Variants in C16orf95 observed in about 807,000 individuals in gnomAD.
The protein encoded by C16orf95 is uncharacterized protein C16orf95.
Under a neutral mutation model 32.1 loss-of-function variants are expected in C16orf95, and 41 were observed. The observed-to-expected ratio is 1.28, with a 90% CI of 1.00 to 1.66. The LOEUF (loss-of-function observed/expected upper bound fraction) is 1.66, where lower values mean the gene tolerates loss of function less well. Among genes scored for constraint, C16orf95 ranks in the 40% most tolerant of loss-of-function variants. The probability of loss-of-function intolerance (pLI) is 0.00; values close to 1 mark genes in which losing one functional copy is unlikely to be tolerated. For synonymous variants in C16orf95, 147 were observed against 128.9 expected, an observed-to-expected ratio of 1.14 and a Z score of -0.95; for missense variants, 399 against 325.9, an observed-to-expected ratio of 1.22 and a Z score of -1.73.
chr16:87,313,473 C>T (rs1344978743), intron 3 of C16orf95, among the ~76,000 whole-genome samples: 2 of 152,168 alleles, frequency 1.3e-5, no homozygotes, highest in Non-Finnish European at 2.9e-5. Flanking sequence ...GCAGCTCATG[C>T]CTGTAATCCC....
rs1394614786 is a variant in C16orf95 at position 87,305,749 on chromosome 16, TGGA to T, written c.668_670del (p.Leu223del). On this transcript the variant is annotated inframe_deletion, in exon 6 of 7. Coordinates refer to ENST00000567970, the MANE Select transcript of C16orf95 (RefSeq NM_001195124.3). This position sits in a 1 kb window ranked among gnomAD's most constrained non-coding sequence, Gnocchi z 4.2. ...GGCCATGATGACCCTCGGGATGGCCTGGAGGAGGGTCAGGAGGCCGAGGGGCAG... is the reference window on the plus strand; with the variant it reads ...GGCCATGATGACCCTCGGGATGGCCTGGAGGGTCAGGAGGCCGAGGGGCAG... 4.6e-6 allele frequency: 7 copies of T among 1,514,156 alleles called. No homozygotes were observed. The highest frequency in any genetic ancestry group is 6.2e-6 in the Non-Finnish European group (7 of 1,136,630). The allele number at this position is 1,514,156 out of a possible 1,614,324, so 93.8% of individuals were successfully genotyped here. A position where few individuals can be genotyped will look rare whatever the true frequency, so the allele number is the denominator to read the frequency against.
intron 3 of C16orf95, among the ~76,000 whole-genome samples, chr16:87,314,750 G>A (rs1229716917): frequency 6.6e-6 from 1 of 152,186 alleles, no homozygotes; most frequent in Non-Finnish European, 1.5e-5. Context: ...CATGATAACT[G>A]GGTACTCATG....
chr16:87,314,099 T>A (rs1911399715), intron 3 of C16orf95, among the ~76,000 whole-genome samples: 1 of 152,112 alleles, frequency 6.6e-6, no homozygotes, highest in Non-Finnish European at 1.5e-5. Flanking sequence ...TGGAAAACAG[T>A]CAACAGGTTT....
chr16:87,311,493 T>C (rs1457754411), intron 3 of C16orf95, among the ~76,000 whole-genome samples, 197 bp from the exon 4 acceptor site: 2 of 152,180 alleles, frequency 1.3e-5, no homozygotes, highest in East Asian at 3.9e-4. Flanking sequence ...CTCTACAACA[T>C]GCCCACTGTT....
intron 5 of C16orf95, among the ~76,000 whole-genome samples, chr16:87,308,732 C>G (rs1218315462): frequency 6.6e-6 from 1 of 152,178 alleles, no homozygotes; most frequent in Non-Finnish European, 1.5e-5. Context: ...TACAATTCTT[C>G]AAAGAAATGT....
intron 5 of C16orf95, among the ~76,000 whole-genome samples, chr16:87,309,384 T>C (rs1488696127): frequency 8.8e-5 from 6 of 68,342 alleles, no homozygotes; most frequent in South Asian, 3.4e-4. Context: ...TTTTTTTTTT[T>C]TTTTTTTTTT....
intron 1 of C16orf95, among the ~76,000 whole-genome samples, chr16:87,316,655 G>C (rs908843407): frequency 1.3e-5 from 2 of 152,096 alleles, no homozygotes; most frequent in Admixed American, 6.5e-5. Flanking sequence ...GGGGAGGGGG[G>C]GGGCCACAGC....
chr16:87,304,735 AATGG>A (rs1338846828), intron 6 of C16orf95, among the ~76,000 whole-genome samples: 1 of 152,156 alleles, frequency 6.6e-6, no homozygotes, highest in African/African-American at 2.4e-5. Context: ...ACTCTAGGAG[AATGG>A]ATAACCCAAA....
chr16:87,317,382 A>C lies in C16orf95; in HGVS notation c.-140T>G. 7.1e-7 allele frequency: 1 copy of C among 1,399,628 alleles called. No homozygotes were observed. Among genetic ancestry groups the C allele is most frequent in the Non-Finnish European group, 9.2e-7 (1 of 1,081,162 alleles). 86.7% of individuals were successfully genotyped at this position (1,399,628 alleles called of 1,614,324 possible). On this transcript the variant is annotated 5_prime_UTR_variant, in exon 1 of 7. Coordinates refer to ENST00000567970, the MANE Select transcript of C16orf95 (RefSeq NM_001195124.3). ...AGCCCCAACCTCAACCGCTCAGAGG[A>C]GCCCAACAACGCCCGCGCGCCCGCC...
Position 87,302,891 on chromosome 16 carries a change from A to T in C16orf95, c.*166T>A. The T allele has an allele frequency of 1.4e-6, 1 of 710,130 alleles. No homozygotes were observed. Among genetic ancestry groups the T allele is most frequent in the East Asian group, 2.7e-5 (1 of 36,566 alleles). 44.0% of individuals were successfully genotyped at this position (710,130 alleles called of 1,614,324 possible). A position where few individuals can be genotyped will look rare whatever the true frequency, so the allele number is the denominator to read the frequency against. ...CCACATTCACATGAACTTTGCTACA[A>T]CCAAGAATCACCTGATGAGAAATCA... On this transcript the variant is annotated 3_prime_UTR_variant, in exon 7 of 7. Coordinates refer to ENST00000567970, the MANE Select transcript of C16orf95 (RefSeq NM_001195124.3).
rs1174688211 is a variant in C16orf95, at chr16:87,305,680, C to A, written c.701+39G>T. Reference sequence around the variant, plus strand: ...CCTCCCTCAGGTGGACGTCACCATGCCAGGGCCACCCACTGTCCCCCATCC... The same window carrying A: ...CCTCCCTCAGGTGGACGTCACCATGACAGGGCCACCCACTGTCCCCCATCC... On this transcript the variant is annotated intron_variant, in intron 6 of 6. Transcript: ENST00000567970. This position sits in a 1 kb window ranked among gnomAD's most constrained non-coding sequence, Gnocchi z 4.2. 21 of 1,457,596 alleles carry A rather than the reference C, an allele frequency of 1.4e-5. No homozygotes were observed. In the African/African-American group the frequency reaches 3.0e-4, roughly 21 times the overall value. 90.3% of individuals were successfully genotyped at this position (1,457,596 alleles called of 1,614,324 possible). A position where few individuals can be genotyped will look rare whatever the true frequency, so the allele number is the denominator to read the frequency against.
chr16:87,309,596 C>T (rs982114457), intron 5 of C16orf95, among the ~76,000 whole-genome samples: 9 of 151,960 alleles, frequency 5.9e-5, no homozygotes, highest in Non-Finnish European at 1.0e-4. Context: ...GTTGCCCAGG[C>T]TGGTCTCAAA....
chr16:87,306,033 G>T, intron 5 of C16orf95, 128 bp from the exon 6 acceptor site: 2 of 668,458 alleles, frequency 3.0e-6, no homozygotes, highest in Non-Finnish European at 4.5e-6. Context: ...CCACAGCCCC[G>T]GGGTGGGGAC....
chr16:87,305,906 C>G lies in C16orf95; in HGVS notation c.515-1G>C. ...CAGCAGCATGCATCCAGCAGGGGTG[C>G]TAGGCAAAGAAAAGGTGGGTTGAGG... is the stretch of plus-strand genomic sequence containing the variant. On this transcript the variant is annotated splice_acceptor_variant, in intron 5 of 6. Transcript: ENST00000567970. LOFTEE classifies it high-confidence loss of function. This position sits in a 1 kb window ranked among gnomAD's most constrained non-coding sequence, Gnocchi z 4.2. 1 of 1,413,352 alleles carries G rather than the reference C, an allele frequency of 7.1e-7. No homozygotes were observed. 87.6% of individuals were successfully genotyped at this position (1,413,352 alleles called of 1,614,324 possible). A position where few individuals can be genotyped will look rare whatever the true frequency, so the allele number is the denominator to read the frequency against.
chr16:87,310,422 G>A, intron 4 of C16orf95, 89 bp from the exon 5 acceptor site: 1 of 1,313,048 alleles, frequency 7.6e-7, no homozygotes, highest in South Asian at 1.3e-5. Flanking sequence ...CTCCAGGAGG[G>A]GCACTGGCCA....
chr16:87,303,989 C>A (rs1406819392), intron 6 of C16orf95, among the ~76,000 whole-genome samples: 1 of 152,164 alleles, frequency 6.6e-6, no homozygotes, highest in African/African-American at 2.4e-5. Context: ...GGCCCCCTGA[C>A]CATCTACTTA....
intron 3 of C16orf95, among the ~76,000 whole-genome samples, chr16:87,312,256 T>C (rs1418774605): frequency 6.6e-6 from 1 of 152,036 alleles, no homozygotes; most frequent in Admixed American, 6.5e-5. Flanking sequence ...GCTCTGCACG[T>C]AGTGGTAGAG....
Position 87,305,271 on chromosome 16 carries a change from C to G in C16orf95, c.701+448G>C, listed in dbSNP as rs1418744261. On this transcript the variant is annotated intron_variant, in intron 6 of 6. Transcript: ENST00000567970. The surrounding 1 kb of genome is among the most constrained non-coding windows in gnomAD (Gnocchi z 4.2). ...ACTAGAGACCAGGGGAAGGGGCTTT[C>G]TAGTATGGAGACTGGCGGCTGGGGC... 6.6e-6 allele frequency among the ~76,000 whole-genome samples: 1 copy of G among 152,096 alleles called. No individual in the cohort carries two copies. The highest frequency in any genetic ancestry group is 1.5e-5 in the Non-Finnish European group (1 of 68,002).
intron 5 of C16orf95, among the ~76,000 whole-genome samples, chr16:87,309,253 T>G (rs1911164209): frequency 6.6e-6 from 1 of 152,020 alleles, no homozygotes; most frequent in Non-Finnish European, 1.5e-5. Flanking sequence ...TCAAATTAGA[T>G]CCTGTTCAGA....
Sources: gnomAD v4.1 joint callset for allele counts (sites outside exome capture counted in the v4.1 genomes callset) on GRCh38, gnomAD v4.1.1 for gene constraint, Gnocchi (gnomAD v3.1) non-coding constraint, MANE v1.5 for transcripts, NCBI Gene and HGNC (gene_info 2026-07-23, HGNC 2026-07-21) for gene names.